Variants in CRYZL1 observed in about 807,000 individuals in gnomAD.
CRYZL1 encodes crystallin zeta like 1, also known as ferry endosomal RAB5 effector complex subunit 4.
CRYZL1 carries 34 observed loss-of-function variants against 50.6 expected under a neutral mutation model. The ratio of observed to expected loss-of-function variants is 0.67; its 90% CI spans 0.51 to 0.89. The LOEUF (loss-of-function observed/expected upper bound fraction) is 0.89, where lower values mean the gene tolerates loss of function less well. Ranked by LOEUF, CRYZL1 falls within the 40% of genes least tolerant of loss-of-function variation. The pLI, the probability that CRYZL1 is intolerant of heterozygous loss-of-function variation, is 0.00. For synonymous variants in CRYZL1, 125 were observed against 134.3 expected (o/e 0.93, Z 0.48); for missense variants, 354 against 402.3 (o/e 0.88, Z 1.03).
At chr21:33,641,328 G>C in intron 1 of CRYZL1, 2 of 1,534,748 alleles carry the variant, frequency 1.3e-6, no homozygotes, top group Admixed American at 2.1e-5. Flanking sequence ...AACAGAGAAA[G>C]AAAAAGACAC....
At chr21:33,631,581 A>G (rs1569093273) in intron 1 of CRYZL1, 24 bp from the exon 2 acceptor site, 1 of 1,377,814 alleles carries the variant, frequency 7.3e-7, no homozygotes. Flanking sequence ...TATATAAATG[A>G]AATAAAATAA....
intron 2 of CRYZL1, among the ~76,000 whole-genome samples, chr21:33,627,814 C>T (rs2087085994): frequency 6.8e-6 from 1 of 147,930 alleles, no homozygotes; most frequent in African/African-American, 2.5e-5. Context: ...GCGTGATCTC[C>T]ACTCACTACA....
At chr21:33,631,855 C>T (rs1024263317) in intron 1 of CRYZL1, among the ~76,000 whole-genome samples, 9 of 151,972 alleles carry the variant, frequency 5.9e-5, no homozygotes, top group African/African-American at 2.2e-4. Flanking sequence ...CTTATGATGG[C>T]CAGAGAAACT....
chr21:33,633,205 CT>C (rs1230220430), intron 1 of CRYZL1, among the ~76,000 whole-genome samples: 3 of 152,042 alleles, frequency 2.0e-5, no homozygotes, highest in African/African-American at 7.3e-5. Context: ...CTTGTATATA[CT>C]TTTTGGTAAG....
intron 2 of CRYZL1, among the ~76,000 whole-genome samples, 160 bp from the exon 3 acceptor site, chr21:33,624,920 T>C (rs916885158): frequency 6.6e-6 from 1 of 152,118 alleles, no homozygotes; most frequent in Non-Finnish European, 1.5e-5. Context: ...GAAATGTATA[T>C]AATAAAAAAA....
At chr21:33,622,298 T>C (rs555701626) in intron 3 of CRYZL1, among the ~76,000 whole-genome samples, 2 of 152,364 alleles carry the variant, frequency 1.3e-5, no homozygotes, top group Admixed American at 1.3e-4. Context: ...ATGAATATTA[T>C]TATTCAAATT....
intron 1 of CRYZL1, among the ~76,000 whole-genome samples, chr21:33,632,332 C>CA (rs2087149130): frequency 6.6e-6 from 1 of 151,502 alleles, no homozygotes; most frequent in South Asian, 2.1e-4. Context: ...AACTCTGTCT[C>CA]AAAAAAATAA....
intron 4 of CRYZL1, among the ~76,000 whole-genome samples, chr21:33,620,425 T>G (rs2086981406): frequency 6.6e-6 from 1 of 152,126 alleles, no homozygotes; most frequent in Non-Finnish European, 1.5e-5. Flanking sequence ...TGATTACTTG[T>G]GGATTTAAAT....
At chr21:33,640,024 C>T (rs1357214500) in intron 1 of CRYZL1, 4 of 784,350 alleles carry the variant, frequency 5.1e-6, no homozygotes, top group Non-Finnish European at 7.6e-6. Flanking sequence ...CGGGGTTTCA[C>T]CATGTTGGCC....
chr21:33,624,813 A>G, intron 2 of CRYZL1, 53 bp from the exon 3 acceptor site: 2 of 1,561,792 alleles, frequency 1.3e-6, no homozygotes, highest in Non-Finnish European at 1.7e-6. Flanking sequence ...TCCTATGAGA[A>G]TATGTCTTTA....
At chr21:33,611,303 A>T (rs2086871061) in intron 6 of CRYZL1, among the ~76,000 whole-genome samples, 1 of 152,200 alleles carries the variant, frequency 6.6e-6, no homozygotes, top group Non-Finnish European at 1.5e-5. Flanking sequence ...GAAGACACAC[A>T]CTTGGCTCCT....
intron 3 of CRYZL1, among the ~76,000 whole-genome samples, chr21:33,622,530 G>A (rs2087014478): frequency 6.6e-6 from 1 of 152,170 alleles, no homozygotes; most frequent in Non-Finnish European, 1.5e-5. Flanking sequence ...AAAGCCTTGG[G>A]TTAGGGAGTG....
At chr21:33,624,788 T>C (rs771377329) in intron 2 of CRYZL1, 28 bp from the exon 3 acceptor site, 5 of 1,579,290 alleles carry the variant, frequency 3.2e-6, no homozygotes, top group East Asian at 2.3e-5. Flanking sequence ...CAAAACAATA[T>C]GTTATTTTAC....
chr21:33,603,846 T>G (rs2086781802), intron 6 of CRYZL1, among the ~76,000 whole-genome samples: 2 of 152,360 alleles, frequency 1.3e-5, no homozygotes, highest in South Asian at 4.1e-4. Flanking sequence ...ACCATCCTGG[T>G]GGAGAGAGAG....
chr21:33,589,804 G>C lies in CRYZL1; in HGVS notation c.*18C>G, dbSNP rs2086623365. ...ACTGGAATATGTTCATCCGACTGAG[G>C]TCTGAGAAAGAAGAAAATTAAAATT... On this transcript the variant is annotated 3_prime_UTR_variant, in exon 13 of 13. Coordinates refer to ENST00000381554, the MANE Select transcript of CRYZL1 (RefSeq NM_145858.3). 5 of 1,467,162 alleles carry C rather than the reference G, an allele frequency of 3.4e-6. No homozygotes were observed. Among genetic ancestry groups the C allele is most frequent in the Non-Finnish European group, 3.8e-6 (4 of 1,047,446 alleles). 90.9% of individuals were successfully genotyped at this position (1,467,162 alleles called of 1,614,324 possible).
At chr21:33,639,825 ATTT>A (rs35747923) in intron 1 of CRYZL1, 51 of 133,956 alleles carry the variant, frequency 3.8e-4, no homozygotes, top group South Asian at 6.9e-4. Context: ...ATAGATGTGT[ATTT>A]TTTTTTTTTT....
chr21:33,601,735 G>A (rs1022432851), intron 8 of CRYZL1, among the ~76,000 whole-genome samples: 1 of 152,032 alleles, frequency 6.6e-6, no homozygotes, highest in Non-Finnish European at 1.5e-5. Context: ...TAGGCAACAT[G>A]GCTAAACCCG....
intron 3 of CRYZL1, among the ~76,000 whole-genome samples, chr21:33,622,493 T>C (rs2087014203): frequency 6.6e-6 from 1 of 152,212 alleles, no homozygotes; most frequent in Non-Finnish European, 1.5e-5. Context: ...TCCATTCCTA[T>C]ACCCTTTAAA....
intron 5 of CRYZL1, among the ~76,000 whole-genome samples, chr21:33,615,148 TTCTC>T (rs1168751869): frequency 7.9e-5 from 10 of 127,278 alleles, no homozygotes; most frequent in East Asian, 2.8e-4. Flanking sequence ...TTTCTTTTCT[TTCTC>T]TCTTTTTTTT....
Sources: allele counts gnomAD v4.1 joint callset (sites outside exome capture counted in the v4.1 genomes callset), GRCh38; gene constraint gnomAD v4.1.1; transcripts MANE v1.5; gene names NCBI Gene and HGNC (gene_info 2026-07-23, HGNC 2026-07-21).